Variants in KIFC3 observed in about 807,000 individuals in gnomAD.
KIFC3 encodes the protein kinesin family member C3.
KIFC3 carries 60 observed loss-of-function variants against 101.8 expected under a neutral mutation model. The ratio of observed to expected loss-of-function variants is 0.59; its 90% CI spans 0.48 to 0.73. The LOEUF is 0.73. Ranked by LOEUF, KIFC3 falls within the 30% of genes least tolerant of loss-of-function variation. The pLI is 0.00. For synonymous variants in KIFC3, 476 were observed against 482.7 expected, an observed-to-expected ratio of 0.99 and a Z score of 0.18; for missense variants, 966 against 1,137.1, an observed-to-expected ratio of 0.85 and a Z score of 2.16.
chr16:57,859,472 A>G (rs1231701541), intron 1 of KIFC3, among the ~76,000 whole-genome samples: 2 of 152,172 alleles, frequency 1.3e-5, no homozygotes, highest in Non-Finnish European at 2.9e-5. Context: ...AAAGCGTCAA[A>G]AGAGTCTCAC....
intron 1 of KIFC3, among the ~76,000 whole-genome samples, chr16:57,815,252 C>G (rs1198148491): frequency 6.6e-6 from 1 of 152,144 alleles, no homozygotes; most frequent in Non-Finnish European, 1.5e-5. Context: ...AACAAGCCAC[C>G]TGGATAAATG....
At chr16:57,825,608 C>T (rs1231553228) in intron 1 of KIFC3, among the ~76,000 whole-genome samples, 1 of 152,190 alleles carries the variant, frequency 6.6e-6, no homozygotes, top group Non-Finnish European at 1.5e-5. Context: ...GTTCAAATGC[C>T]TCTATCTACT....
At chr16:57,805,046 G>C (rs188932599), upstream of KIFC3, among the ~76,000 whole-genome samples, 69 of 152,100 alleles carry the variant, frequency 4.5e-4, no homozygotes, top group East Asian at 0.013. Context: ...GGACAGGCTG[G>C]TTTCGAACTC....
At chr16:57,842,093 G>GGT in intron 1 of KIFC3, among the ~76,000 whole-genome samples, 1 of 152,206 alleles carries the variant, frequency 6.6e-6, no homozygotes, top group East Asian at 1.9e-4. Flanking sequence ...CCAGCTACTT[G>GGT]AGAGGCTGAG....
At chr16:57,850,425 C>CAAT (rs1325711279) in intron 1 of KIFC3, among the ~76,000 whole-genome samples, 3 of 137,608 alleles carry the variant, frequency 2.2e-5, no homozygotes, top group South Asian at 2.3e-4. Flanking sequence ...TAATATAATA[C>CAAT]AATAATAATA....
At chr16:57,792,970 C>T (rs1435780397) in intron 3 of KIFC3, among the ~76,000 whole-genome samples, 3 of 145,520 alleles carry the variant, frequency 2.1e-5, no homozygotes, top group Non-Finnish European at 4.5e-5. Context: ...GACAGAATAA[C>T]ATGTAAAATA....
chr16:57,835,123 G>A (rs544244353), intron 1 of KIFC3, among the ~76,000 whole-genome samples: 180 of 152,248 alleles, frequency 1.2e-3, no homozygotes, highest in African/African-American at 4.1e-3. Flanking sequence ...TTTGTTCTAG[G>A]TACAGTCATG....
chr16:57,772,484 C>T (rs1597976177), intron 3 of KIFC3, 196 bp from the exon 4 acceptor site: 1 of 525,982 alleles, frequency 1.9e-6, no homozygotes, highest in East Asian at 3.3e-5. Context: ...GTGCTGACAG[C>T]CTCCCGCACC....
chr16:57,849,580 C>G (rs2056005153), intron 1 of KIFC3, among the ~76,000 whole-genome samples: 1 of 152,108 alleles, frequency 6.6e-6, no homozygotes, highest in South Asian at 2.1e-4. Flanking sequence ...CTCACTGCCT[C>G]TAGAAGATAG....
At chr16:57,805,257 C>T (rs1271615215), upstream of KIFC3, among the ~76,000 whole-genome samples, 2 of 152,168 alleles carry the variant, frequency 1.3e-5, no homozygotes, top group Admixed American at 6.5e-5. Context: ...GGATTATTTG[C>T]ATGAGCCACC....
chr16:57,851,597 C>T (rs1429787878), intron 1 of KIFC3, among the ~76,000 whole-genome samples: 15 of 147,082 alleles, frequency 1.0e-4, no homozygotes, highest in Non-Finnish European at 1.5e-4. Context: ...GGCAGAGTCT[C>T]GCTCTGTTGC....
At chr16:57,792,593 C>T (rs1454960109) in intron 3 of KIFC3, among the ~76,000 whole-genome samples, 2 of 152,056 alleles carry the variant, frequency 1.3e-5, no homozygotes, top group African/African-American at 2.4e-5. Context: ...ATTACGCAGC[C>T]GTGTAAAAGA....
chr16:57,829,480 C>G (rs1367905069), intron 1 of KIFC3, among the ~76,000 whole-genome samples: 1 of 152,196 alleles, frequency 6.6e-6, no homozygotes, highest in African/African-American at 2.4e-5. Context: ...GTCTTGAACT[C>G]CTGGGCTCCA....
intron 3 of KIFC3, chr16:57,785,380 G>A (rs1299702455): frequency 2.6e-6 from 2 of 783,050 alleles, no homozygotes; most frequent in East Asian, 1.6e-4. Context: ...CCAGTAGCCT[G>A]GTGGGGTCAG....
At position 57,845,393 on chromosome 16, in the gene KIFC3, G is replaced by A. The variant is rs575526702; in HGVS notation, c.108+17336C>T. Among the ~76,000 whole-genome samples the A allele has an allele frequency of 9.9e-5, 15 of 152,202 alleles. No individual in the cohort carries two copies. In the South Asian group the frequency reaches 1.0e-3, roughly 11 times the overall value. On this transcript the variant is annotated intron_variant, in intron 1 of 2. Transcript: ENST00000563028. ...TCTTGTTAAAACTGAAGCCAATCAC[G>A]TCACTCATCTGCTCAAAGCCGTCTG...
chr16:57,820,722 G>A (rs2055331531), intron 1 of KIFC3, among the ~76,000 whole-genome samples: 1 of 152,214 alleles, frequency 6.6e-6, no homozygotes, highest in African/African-American at 2.4e-5. Flanking sequence ...ATGAAGACAA[G>A]AGGCAAGGAC....
At chr16:57,796,943 G>A (rs2054371703) in intron 2 of KIFC3, among the ~76,000 whole-genome samples, 1 of 152,194 alleles carries the variant, frequency 6.6e-6, no homozygotes, top group Admixed American at 6.5e-5. Context: ...TGGGGTAGAG[G>A]CCATCCTCTG....
chr16:57,761,557 G>A, intron 13 of KIFC3, 21 bp from the exon 14 acceptor site: 1 of 1,608,610 alleles, frequency 6.2e-7, no homozygotes. Flanking sequence ...AGGTGAGACA[G>A]TCACCCCCTC....
chr16:57,853,662 C>T (rs1470475805), intron 1 of KIFC3, among the ~76,000 whole-genome samples: 1 of 152,086 alleles, frequency 6.6e-6, no homozygotes, highest in Non-Finnish European at 1.5e-5. Context: ...GACAAAGTCT[C>T]GCTCTGTCAC....
Sources: gnomAD v4.1 joint callset for allele counts (sites outside exome capture counted in the v4.1 genomes callset) on GRCh38, gnomAD v4.1.1 for gene constraint, MANE v1.5 for transcripts, NCBI Gene and HGNC (gene_info 2026-07-23, HGNC 2026-07-21) for gene names.